Variants in NFIA observed in about 807,000 individuals in gnomAD.
NFIA encodes nuclear factor 1 A-type.
NFIA carries 8 observed loss-of-function variants against 62.8 expected under a neutral mutation model. The ratio of observed to expected loss-of-function variants is 0.13; its 90% confidence interval spans 0.07 to 0.23. NFIA has a LOEUF of 0.23. NFIA is among the 10% of genes least tolerant of loss of function. NFIA has a pLI of 1.00. For synonymous variants in NFIA, 235 were observed against 238.1 expected, an observed-to-expected ratio of 0.99 and a Z score of 0.12; for missense variants, 410 against 642.1, an observed-to-expected ratio of 0.64 and a Z score of 3.91.
At chr1:61,387,949 A>G (rs1168685048) in intron 7 of NFIA, among the ~76,000 whole-genome samples, 3 of 152,228 alleles carry the variant, frequency 2.0e-5, no homozygotes, top group South Asian at 4.1e-4. Context: ...GAGCTTTGCT[A>G]TTAAGAGCTA....
intron 3 of NFIA, among the ~76,000 whole-genome samples, chr1:61,278,313 A>G (rs1177204103): frequency 6.6e-6 from 1 of 152,250 alleles, no homozygotes; most frequent in Non-Finnish European, 1.5e-5. Context: ...ATCGGTTTCA[A>G]TAAAAACAGA....
intron 4 of NFIA, among the ~76,000 whole-genome samples, chr1:61,347,365 G>A (rs574343375): frequency 6.6e-6 from 1 of 151,682 alleles, no homozygotes; most frequent in South Asian, 2.1e-4. Context: ...AGCAGAGATG[G>A]AGTTTCACCG....
At chr1:61,204,497 A>AT (rs1010805986) in intron 2 of NFIA, among the ~76,000 whole-genome samples, 30 of 151,802 alleles carry the variant, frequency 2.0e-4, no homozygotes, top group South Asian at 8.3e-4. Flanking sequence ...TTTTTATTTT[A>AT]TTTTTTTTAA....
In NFIA at chr1:61,228,561, A is replaced by G. The variant is rs74090333; in HGVS notation, c.560-48959A>G. On this transcript the variant is annotated intron_variant, in intron 2 of 10. Coordinates refer to ENST00000403491, the MANE Select transcript of NFIA (RefSeq NM_001134673.4). ...TTAATGTTGGAAGAGAAAAACTATT[A>G]TGTTCCAGAAACTATGAGATTTAGC... Among the ~76,000 whole-genome samples, 902 of 152,334 alleles carry G rather than the reference A, an allele frequency of 5.9e-3. 7 individuals carry two copies. Among genetic ancestry groups the G allele is most frequent in the African/African-American group, 0.02 (838 of 41,584 alleles).
At chr1:61,077,545 A>G, upstream of NFIA, 1 of 1,189,130 alleles carries the variant, frequency 8.4e-7, no homozygotes, top group East Asian at 2.8e-5. Flanking sequence ...GATATTTTTT[A>G]AATGCAAAAA....
intron 4 of NFIA, among the ~76,000 whole-genome samples, chr1:61,343,544 TAA>T (rs1662043911): frequency 6.6e-6 from 1 of 152,224 alleles, no homozygotes; most frequent in African/African-American, 2.4e-5. Flanking sequence ...GTACATTTCG[TAA>T]AAAGCATTGC....
chr1:61,328,265 G>A (rs1661069930), intron 3 of NFIA, among the ~76,000 whole-genome samples: 1 of 151,496 alleles, frequency 6.6e-6, no homozygotes, highest in Non-Finnish European at 1.5e-5. Flanking sequence ...CCTGCCTCAG[G>A]GCCTTTGCTC....
chr1:61,082,847 TGGGGGCCGGGGCGCC>T, intron 1 of NFIA, 29 bp downstream of exon 1: 5 of 1,330,302 alleles, frequency 3.8e-6, no homozygotes, highest in Non-Finnish European at 5.1e-6. Context: ...GCGGAGGGCT[TGGGGGCCGGGGCGCC>T]GGGGGCAGGG....
intron 3 of NFIA, among the ~76,000 whole-genome samples, chr1:61,299,029 C>T (rs541317079): frequency 1.3e-5 from 2 of 152,126 alleles, no homozygotes; most frequent in Non-Finnish European, 2.9e-5. Context: ...AATGTACTTT[C>T]ATGCATTTCT....
At chr1:61,139,878 CAA>C (rs35520094) in intron 2 of NFIA, among the ~76,000 whole-genome samples, 44 of 74,114 alleles carry the variant, frequency 5.9e-4, no homozygotes, top group East Asian at 7.7e-4. Flanking sequence ...GGGAATTTAC[CAA>C]AAAAAAAAAA....
chr1:61,217,316 C>T (rs1252064006), intron 2 of NFIA, among the ~76,000 whole-genome samples: 7 of 151,922 alleles, frequency 4.6e-5, no homozygotes, highest in Non-Finnish European at 8.8e-5. Context: ...GATCCACCCA[C>T]CTTGGCCTCC....
chr1:61,205,791 A>G (rs897799175), intron 2 of NFIA, among the ~76,000 whole-genome samples: 1 of 152,076 alleles, frequency 6.6e-6, no homozygotes, highest in African/African-American at 2.4e-5. Flanking sequence ...CGTTTAGTCC[A>G]GTCAGTGTTT....
At chr1:61,379,410 T>C (rs200760149) in intron 6 of NFIA, among the ~76,000 whole-genome samples, 8,551 of 142,468 alleles carry the variant, frequency 0.06, 403 homozygotes, top group African/African-American at 0.13. Flanking sequence ...TTCTTTTTTT[T>C]TTTTTTTTTT....
chr1:61,185,658 A>C (rs1570337919), intron 2 of NFIA, among the ~76,000 whole-genome samples: 1 of 134,624 alleles, frequency 7.4e-6, no homozygotes, highest in African/African-American at 3.0e-5. Flanking sequence ...TTTTTTTTTA[A>C]CCGTGACTCC....
intron 6 of NFIA, among the ~76,000 whole-genome samples, chr1:61,370,673 A>G (rs1485927420): frequency 6.6e-6 from 1 of 152,112 alleles, no homozygotes; most frequent in Non-Finnish European, 1.5e-5. Context: ...TTGTCAAGTG[A>G]GGAATTCTTC....
chr1:61,258,473 T>C (rs568047073), intron 2 of NFIA, among the ~76,000 whole-genome samples: 3 of 152,346 alleles, frequency 2.0e-5, no homozygotes, highest in Non-Finnish European at 4.4e-5. Flanking sequence ...TTTGTTGCTC[T>C]TCTCTTCTCA....
chr1:61,299,814 G>A (rs1659397372), intron 3 of NFIA, among the ~76,000 whole-genome samples: 1 of 152,142 alleles, frequency 6.6e-6, no homozygotes, highest in South Asian at 2.1e-4. Context: ...GAATAGCTAA[G>A]TTGTATTTAA....
intron 2 of NFIA, among the ~76,000 whole-genome samples, chr1:61,239,442 A>G (rs1429519051): frequency 6.6e-6 from 1 of 152,180 alleles, no homozygotes; most frequent in Non-Finnish European, 1.5e-5. Flanking sequence ...ACATTAAATC[A>G]TTAATTTTCT....
intron 10 of NFIA, among the ~76,000 whole-genome samples, chr1:61,442,065 A>G (rs149740691): frequency 6.6e-6 from 1 of 152,076 alleles, no homozygotes; most frequent in African/African-American, 2.4e-5. Flanking sequence ...AATACTGTCA[A>G]ATCTGGACTA....
Sources: gnomAD v4.1 joint callset for allele counts (sites outside exome capture counted in the v4.1 genomes callset) on GRCh38, gnomAD v4.1.1 for gene constraint, MANE v1.5 for transcripts, NCBI Gene and HGNC (gene_info 2026-07-23, HGNC 2026-07-21) for gene names.